Variants in GPC6 observed in about 807,000 individuals in gnomAD.
GPC6 encodes glypican 6.
A neutral mutation model predicts 55.2 loss-of-function variants in GPC6; 14 were observed. That is an observed-to-expected ratio of 0.25 (90% CI 0.17 to 0.40). The LOEUF is 0.40. Ranked by LOEUF, GPC6 falls within the 10% of genes least tolerant of loss-of-function variation. GPC6 has a pLI of 1.00. For synonymous variants in GPC6, 278 were observed against 259.6 expected (o/e 1.07, Z -0.68); for missense variants, 641 against 708.5 (o/e 0.90, Z 1.08).
At chr13:94,220,636 G>T (rs1890354546) in intron 4 of GPC6, among the ~76,000 whole-genome samples, 1 of 152,030 alleles carries the variant, frequency 6.6e-6, no homozygotes, top group Admixed American at 6.6e-5. Context: ...CAAGATCAAG[G>T]CATCAACAAG....
At chr13:93,224,368 A>T (rs969625734), upstream of GPC6, among the ~76,000 whole-genome samples, 1 of 149,976 alleles carries the variant, frequency 6.7e-6, no homozygotes, top group African/African-American at 2.5e-5. Flanking sequence ...CTAATTTTGT[A>T]TCTTCAGTAG....
intron 2 of GPC6, among the ~76,000 whole-genome samples, chr13:93,783,530 G>C (rs1292601725): frequency 1.3e-5 from 2 of 151,942 alleles, no homozygotes; most frequent in Non-Finnish European, 2.9e-5. Flanking sequence ...ATTCTGACTG[G>C]GGTGAGATTA....
chr13:93,623,466 T>C (rs1425910325), intron 2 of GPC6, among the ~76,000 whole-genome samples: 1 of 144,808 alleles, frequency 6.9e-6, no homozygotes, highest in Non-Finnish European at 1.5e-5. Context: ...TTTTTTTTTT[T>C]TTTTTTTTTT....
chr13:93,465,614 T>C (rs1443417645), intron 1 of GPC6, among the ~76,000 whole-genome samples: 1 of 152,240 alleles, frequency 6.6e-6, no homozygotes, highest in Admixed American at 6.5e-5. Flanking sequence ...ATGAGAATGT[T>C]GTGGCTGGTT....
chr13:93,516,636 A>G (rs1342204580), intron 1 of GPC6, among the ~76,000 whole-genome samples: 1 of 152,162 alleles, frequency 6.6e-6, no homozygotes, highest in African/African-American at 2.4e-5. Context: ...AAAAGAAGAA[A>G]CCCTTCAAGA....
intron 2 of GPC6, among the ~76,000 whole-genome samples, chr13:93,708,254 G>A (rs1003517635): frequency 6.6e-6 from 1 of 151,688 alleles, no homozygotes; most frequent in East Asian, 2.0e-4. Context: ...AGGAAAAAGC[G>A]TGTCATATAT....
intron 4 of GPC6, among the ~76,000 whole-genome samples, chr13:94,030,276 TGG>T (rs1883075878): frequency 6.6e-6 from 1 of 152,194 alleles, no homozygotes; most frequent in Admixed American, 6.5e-5. Context: ...CCCAAAGTGC[TGG>T]GATTGCAGGT....
At chr13:93,720,589 A>G (rs916728917) in intron 2 of GPC6, among the ~76,000 whole-genome samples, 18 of 151,632 alleles carry the variant, frequency 1.2e-4, no homozygotes, top group African/African-American at 4.4e-4. Context: ...GATATTAGTT[A>G]TTTCTTGTCT....
intron 1 of GPC6, among the ~76,000 whole-genome samples, chr13:93,496,345 G>C (rs994922739): frequency 6.6e-6 from 1 of 152,168 alleles, no homozygotes; most frequent in African/African-American, 2.4e-5. Context: ...GACCCCTTGC[G>C]CTTCCCAAGT....
chr13:93,695,338 A>G (rs950436753), intron 2 of GPC6, among the ~76,000 whole-genome samples: 1 of 152,096 alleles, frequency 6.6e-6, no homozygotes. Flanking sequence ...ATATTCCAAC[A>G]TGTTATTTTT....
intron 1 of GPC6, among the ~76,000 whole-genome samples, chr13:93,238,634 G>A (rs984119729): frequency 1.3e-5 from 2 of 152,018 alleles, no homozygotes; most frequent in African/African-American, 4.8e-5. Context: ...GTGAAAGTGG[G>A]CATCCTTGTC....
chr13:94,080,412 A>G (rs573693105), intron 4 of GPC6, among the ~76,000 whole-genome samples: 4 of 152,354 alleles, frequency 2.6e-5, no homozygotes, highest in South Asian at 4.1e-4. Context: ...ACTCCAAGCT[A>G]TTAATCTGGA....
At chr13:93,878,737 A>G (rs1410784252) in intron 3 of GPC6, among the ~76,000 whole-genome samples, 1 of 152,116 alleles carries the variant, frequency 6.6e-6, no homozygotes, top group Non-Finnish European at 1.5e-5. Context: ...TCTTGGAAGC[A>G]GAGACTGGGG....
At chr13:93,731,651 A>G (rs1256005922) in intron 2 of GPC6, among the ~76,000 whole-genome samples, 1 of 152,166 alleles carries the variant, frequency 6.6e-6, no homozygotes, top group African/African-American at 2.4e-5. Context: ...AGTATGGAGT[A>G]TAGATATACA....
chr13:93,937,173 T>C (rs1878479743), intron 3 of GPC6, among the ~76,000 whole-genome samples: 1 of 152,240 alleles, frequency 6.6e-6, no homozygotes, highest in South Asian at 2.1e-4. Context: ...CTGTTACGAA[T>C]TACATGGGAT....
chr13:93,909,470 A>G (rs138427775), intron 3 of GPC6, among the ~76,000 whole-genome samples: 8 of 151,494 alleles, frequency 5.3e-5, no homozygotes, highest in Non-Finnish European at 1.0e-4. Context: ...GGTAACTATC[A>G]AAAAAAAAGA....
intron 1 of GPC6, among the ~76,000 whole-genome samples, chr13:93,278,235 T>G (rs1226222437): frequency 1.3e-5 from 2 of 152,130 alleles, no homozygotes; most frequent in African/African-American, 4.8e-5. Flanking sequence ...GTGAGCTGAA[T>G]AGAGATTTTT....
intron 4 of GPC6, among the ~76,000 whole-genome samples, chr13:94,122,677 C>T (rs1886674867): frequency 6.6e-6 from 1 of 152,074 alleles, no homozygotes; most frequent in Non-Finnish European, 1.5e-5. Flanking sequence ...TTCTTTCATT[C>T]ACTACTCTGC....
rs975420429 is a variant in GPC6 at position 93,249,163 on chromosome 13, T to C, written c.160+21547T>C. ...ACCTACCACCTTACTGAGCTGTCTGTCCTATATTACCACCCATCAGGAACT... is the reference window on the plus strand; with the variant it reads ...ACCTACCACCTTACTGAGCTGTCTGCCCTATATTACCACCCATCAGGAACT... On this transcript the variant is annotated intron_variant, in intron 1 of 8. Coordinates refer to ENST00000377047, the MANE Select transcript of GPC6 (RefSeq NM_005708.5). 2.6e-5 allele frequency among the ~76,000 whole-genome samples: 4 copies of C among 152,176 alleles called. No individual in the cohort carries two copies. In the East Asian group the frequency reaches 7.7e-4, roughly 29 times the overall value.
Sources: gnomAD v4.1 joint callset for allele counts (sites outside exome capture counted in the v4.1 genomes callset) on GRCh38, gnomAD v4.1.1 for gene constraint, MANE v1.5 for transcripts, NCBI Gene and HGNC (gene_info 2026-07-23, HGNC 2026-07-21) for gene names.